The following MEGF10 variants were observed in gnomAD, a reference collection of about 807,000 sequenced individuals.
MEGF10 encodes the protein multiple epidermal growth factor-like domains protein 10.
In MEGF10, 86 loss-of-function variants were observed where a neutral mutation model predicts 147.5. That is an observed-to-expected ratio of 0.58 (90% CI 0.49 to 0.70). The LOEUF is 0.70. Ranked by LOEUF, MEGF10 falls within the 30% of genes least tolerant of loss-of-function variation. MEGF10 has a pLI of 0.00. For missense variants in MEGF10, 1,329 were observed against 1,487.3 expected, an observed-to-expected ratio of 0.89 and a Z score of 1.75; for synonymous variants, 478 against 525.5, an observed-to-expected ratio of 0.91 and a Z score of 1.24.
At chr5:127,332,951 A>G (rs1761322233) in intron 2 of MEGF10, among the ~76,000 whole-genome samples, 1 of 152,162 alleles carries the variant, frequency 6.6e-6, no homozygotes, top group Non-Finnish European at 1.5e-5. Context: ...ACAGATCTTG[A>G]TAATACATTG....
At chr5:127,372,713 T>A (rs1394761199) in intron 5 of MEGF10, among the ~76,000 whole-genome samples, 1 of 152,166 alleles carries the variant, frequency 6.6e-6, no homozygotes, top group African/African-American at 2.4e-5. Flanking sequence ...TGATCAGACA[T>A]GGGTTATGAG....
At chr5:127,236,906 CCTTT>C in the MEGF10 span, among the ~76,000 whole-genome samples, 7 of 152,308 alleles carry the variant, frequency 4.6e-5, no homozygotes, top group East Asian at 5.8e-4. Context: ...CTGAGAGAAT[CCTTT>C]CTTTCTTTTC....
chr5:127,420,503 G>C lies in MEGF10; in HGVS notation c.1590+296G>C, dbSNP rs17673517. ...TTTCTTATTCACCCATCTCTTGGTG[G>C]CAGCCAGTGAACAGTACTGGTCTCC... On this transcript the variant is annotated intron_variant, in intron 12 of 24. Coordinates refer to ENST00000503335, the MANE Select transcript of MEGF10 (RefSeq NM_001256545.2). Among the ~76,000 whole-genome samples, 14,417 of 151,872 alleles carry C rather than the reference G, an allele frequency of 0.095. 884 individuals carry two copies. The highest frequency in any genetic ancestry group is 0.13 in the Non-Finnish European group (9,123 of 67,940).
At chr5:127,419,359 C>A in intron 11 of MEGF10, 119 bp downstream of exon 11, 1 of 1,189,398 alleles carries the variant, frequency 8.4e-7, no homozygotes. Context: ...CAGTGTCTGA[C>A]CTCCGCAAGC....
the MEGF10 span, among the ~76,000 whole-genome samples, chr5:127,244,655 A>G: frequency 6.6e-6 from 1 of 152,168 alleles, no homozygotes. Flanking sequence ...ATGACATTGG[A>G]CTTCTTATTT....
intron 20 of MEGF10, among the ~76,000 whole-genome samples, chr5:127,446,315 T>G (rs912840443): frequency 1.3e-5 from 2 of 152,228 alleles, no homozygotes; most frequent in African/African-American, 4.8e-5. Context: ...GTTTAAAATC[T>G]TTATTACTTT....
the MEGF10 span, among the ~76,000 whole-genome samples, chr5:127,240,390 C>T: frequency 2.2e-4 from 33 of 152,212 alleles, no homozygotes; most frequent in Non-Finnish European, 4.3e-4. Context: ...TGAAAGCTCT[C>T]TGATGTCTCT....
At position 127,410,807 on chromosome 5, in the gene MEGF10, A is replaced by G. The variant is rs75203304; in HGVS notation, c.1130+206A>G. On this transcript the variant is annotated intron_variant, in intron 9 of 24. Transcript: ENST00000503335. ...ACATTTGAGGTGCTAAAATTGTTCAATGGTTACTGGTGGATAGCAAATTCT... is the reference window on the plus strand; with the variant it reads ...ACATTTGAGGTGCTAAAATTGTTCAGTGGTTACTGGTGGATAGCAAATTCT... Among the ~76,000 whole-genome samples, 756 of 152,332 alleles carry G rather than the reference A, an allele frequency of 5.0e-3. 9 individuals are homozygous for G. The highest frequency in any genetic ancestry group is 0.017 in the African/African-American group (724 of 41,572).
rs1172390807 is a variant in MEGF10 at position 127,457,117 on chromosome 5, G to A, written c.3233-11G>A. On this transcript the variant is annotated splice_polypyrimidine_tract_variant and intron_variant, in intron 24 of 24. Transcript: ENST00000503335. ...TTTGCTGATAAATTAATATGTCCTTGGTTATCACAGAACCTACAGTGAGTG... is the reference window on the plus strand; with the variant it reads ...TTTGCTGATAAATTAATATGTCCTTAGTTATCACAGAACCTACAGTGAGTG... The A allele has an allele frequency of 4.4e-6, 7 of 1,592,052 alleles. No homozygotes were observed. The highest frequency in any genetic ancestry group is 6.0e-6 in the Non-Finnish European group (7 of 1,169,974).
At chr5:127,435,519 C>G (rs774619664) in intron 16 of MEGF10, 30 bp downstream of exon 16, 2 of 1,597,302 alleles carry the variant, frequency 1.3e-6, no homozygotes, top group Non-Finnish European at 1.7e-6. Context: ...AATTAATAAA[C>G]TGTTCTTATT....
chr5:127,451,583 TA>T (rs1240232724), intron 22 of MEGF10, among the ~76,000 whole-genome samples: 4 of 152,168 alleles, frequency 2.6e-5, no homozygotes, highest in Non-Finnish European at 5.9e-5. Flanking sequence ...TTCAGCAAAA[TA>T]CCAACCAGCG....
intron 9 of MEGF10, 112 bp downstream of exon 9, chr5:127,410,713 C>A: frequency 3.2e-6 from 3 of 946,398 alleles, no homozygotes; most frequent in Non-Finnish European, 4.8e-6. Context: ...CCCCCTCCTG[C>A]CTCTAGGCTA....
rs561610841 is a variant in MEGF10 at position 127,434,740 on chromosome 5, G to A, written c.1894G>A (p.Val632Ile). The change falls in exon 15 of 25, where the codon GTT becomes ATT. Residue 632 changes from valine (V) to isoleucine (I), a missense_variant. This residue lies in a region of MEGF10 where 980 missense variants were observed against 1,085.9 expected (regional missense o/e 0.90). Coordinates refer to ENST00000503335, the MANE Select transcript of MEGF10 (RefSeq NM_001256545.2). ...CTGCAGCCAGACATGCCCACAGTGC[G>A]TTCACAGCAGCGGGCCCTGCCACCA... is the stretch of plus-strand genomic sequence containing the variant. ...HRCSQTCPQCVHSSGPCHHIT... is the reference protein window; with the variant it reads ...HRCSQTCPQCIHSSGPCHHIT... The A allele has an allele frequency of 1.9e-5, 31 of 1,613,984 alleles. No homozygotes were observed. The highest frequency in any genetic ancestry group is 8.0e-5 in the African/African-American group (6 of 75,038).
rs972629425 is a variant in MEGF10, at chr5:127,363,388, G to C, written c.320-6522G>C. Among the ~76,000 whole-genome samples, 12 of 152,294 alleles carry C rather than the reference G, an allele frequency of 7.9e-5. No homozygotes were observed. The East Asian group carries it at 2.3e-3, about 29-fold the overall frequency. On this transcript the variant is annotated intron_variant, in intron 4 of 24. Coordinates refer to ENST00000503335, the MANE Select transcript of MEGF10 (RefSeq NM_001256545.2). ...TATTTATCCATGCAAAGAATTCAGA[G>C]TGAAGGGTTCCATGATTCTCTTGGT...
intron 8 of MEGF10, among the ~76,000 whole-genome samples, chr5:127,407,555 A>C (rs1210690843): frequency 2.6e-5 from 4 of 152,218 alleles, no homozygotes; most frequent in Non-Finnish European, 1.5e-5. Flanking sequence ...AAAAAATTGG[A>C]AACCCCAAAT....
At chr5:127,289,679 T>C (rs995355821), upstream of MEGF10, among the ~76,000 whole-genome samples, 1 of 152,238 alleles carries the variant, frequency 6.6e-6, no homozygotes, top group Non-Finnish European at 1.5e-5. Flanking sequence ...TCTATGTTCA[T>C]TCATTCCATT....
chr5:127,381,997 C>A (rs960962483), intron 5 of MEGF10, among the ~76,000 whole-genome samples: 1 of 152,108 alleles, frequency 6.6e-6, no homozygotes, highest in East Asian at 1.9e-4. Flanking sequence ...TATAATTCGG[C>A]GTCTGTCATG....
chr5:127,342,426 A>C (rs953555891), intron 4 of MEGF10, among the ~76,000 whole-genome samples: 2 of 152,124 alleles, frequency 1.3e-5, no homozygotes, highest in Non-Finnish European at 2.9e-5. Context: ...CCAGGATGCT[A>C]TTTTCCTAAC....
At chr5:127,247,287 GGGGT>G in the MEGF10 span, among the ~76,000 whole-genome samples, 1 of 118,070 alleles carries the variant, frequency 8.5e-6, no homozygotes, top group Admixed American at 1.1e-4. Flanking sequence ...GTGTGGTTGG[GGGGT>G]GGGGGAGAGA....
Sources: allele counts gnomAD v4.1 joint callset (sites outside exome capture counted in the v4.1 genomes callset), GRCh38; gene constraint gnomAD v4.1.1; regional missense constraint gnomAD v4.1.1; transcripts MANE v1.5; gene names NCBI Gene and HGNC (gene_info 2026-07-23, HGNC 2026-07-21).